Variants in WASF1 observed in about 807,000 individuals in gnomAD.
WASF1 encodes WASP family member 1, also known as actin-binding protein WASF1.
A neutral mutation model predicts 50.5 loss-of-function variants in WASF1; 7 were observed. The observed-to-expected ratio is 0.14, with a 90% CI of 0.08 to 0.26. WASF1 has a LOEUF of 0.26. Ranked by LOEUF, WASF1 falls within the 10% of genes least tolerant of loss-of-function variation. The probability of loss-of-function intolerance (pLI) is 1.00; values close to 1 mark genes in which losing one functional copy is unlikely to be tolerated. For synonymous variants in WASF1, 205 were observed against 244.0 expected, an observed-to-expected ratio of 0.84 and a Z score of 1.49; for missense variants, 470 against 694.7, an observed-to-expected ratio of 0.68 and a Z score of 3.64.
At chr6:110,128,568 T>C (rs909886498) in intron 3 of WASF1, among the ~76,000 whole-genome samples, 2 of 152,276 alleles carry the variant, frequency 1.3e-5, no homozygotes, top group Non-Finnish European at 2.9e-5. Flanking sequence ...GCTCTCACTT[T>C]GCATGCTTCG....
intron 3 of WASF1, among the ~76,000 whole-genome samples, chr6:110,139,880 T>C (rs1342746344): frequency 6.6e-6 from 1 of 152,246 alleles, no homozygotes; most frequent in African/African-American, 2.4e-5. Flanking sequence ...TAGAAAATTA[T>C]AATAATATAC....
intron 3 of WASF1, among the ~76,000 whole-genome samples, chr6:110,153,278 T>C (rs1464745626): frequency 1.3e-5 from 2 of 152,160 alleles, no homozygotes; most frequent in African/African-American, 4.8e-5. Flanking sequence ...AACAGAGTTC[T>C]AGGTGAAGAT....
In WASF1 at chr6:110,127,472, G is replaced by A. The variant is rs1021535617; in HGVS notation, c.130C>T (p.Leu44=). The A allele has an allele frequency of 2.2e-5, 35 of 1,593,130 alleles. 1 individual carries two copies. The highest frequency in any genetic ancestry group is 3.6e-5 in the Admixed American group (2 of 56,328). The change falls in exon 4 of 11, where the codon CTA becomes TTA. Residue 44 remains leucine, a synonymous_variant. Transcript: ENST00000392589. Reference sequence around the variant, plus strand: ...TTTTTAATTGATATATACTTACTTAGGCTACTTAGTTGTCTAATTATATTT... The same window carrying A: ...TTTTTAATTGATATATACTTACTTAAGCTACTTAGTTGTCTAATTATATTT... ...LANIIRQLSS[L]SKYAEDIFGE... is the part of the protein sequence containing the mutation.
rs530165556 is a variant in WASF1, at chr6:110,108,751, A to G, written c.269-70T>C. On this transcript the variant is annotated intron_variant, in intron 5 of 10. Coordinates refer to ENST00000392589, the MANE Select transcript of WASF1 (RefSeq NM_003931.3). The stretch of plus-strand genomic sequence containing the variant: ...TGATTTAACATAAGGGCAAATTCAC[A>G]TACTTTATTTGTCTAAAAGTCAGCA... 210 of 1,449,526 alleles carry G rather than the reference A, an allele frequency of 1.4e-4. 1 individual carries two copies. The South Asian group carries it at 2.6e-3, about 18-fold the overall frequency. The allele number at this position is 1,449,526 out of a possible 1,614,324, so 89.8% of individuals were successfully genotyped here.
intron 3 of WASF1, among the ~76,000 whole-genome samples, chr6:110,148,443 A>G (rs1775677425): frequency 6.6e-6 from 1 of 152,160 alleles, no homozygotes; most frequent in African/African-American, 2.4e-5. Context: ...AGTAATATTT[A>G]AATTAAGAAC....
chr6:110,119,549 T>C (rs1202657231), intron 4 of WASF1, among the ~76,000 whole-genome samples: 1 of 152,138 alleles, frequency 6.6e-6, no homozygotes, highest in South Asian at 2.1e-4. Flanking sequence ...CAATATTTAA[T>C]AGCCTACCAA....
rs374884028 is a variant in WASF1, at chr6:110,105,399, A to G, written c.713+8T>C. 1 of 1,586,580 alleles carries G rather than the reference A, an allele frequency of 6.3e-7. No individual in the cohort carries two copies. On this transcript the variant is annotated splice_region_variant and intron_variant, in intron 8 of 10. Transcript: ENST00000392589. Reference sequence around the variant, plus strand: ...ATCATTTAAAAAAAAAAACAAAAGTAAAGAAACCTTGTTTCAAAATGAGAG... The same window carrying G: ...ATCATTTAAAAAAAAAAACAAAAGTGAAGAAACCTTGTTTCAAAATGAGAG...
rs549249249 is a variant in WASF1, at chr6:110,112,918, A to G, written c.268+408T>C. ...TCAAAAAAAAAAAAAAACAAAAAAA[A>G]AACCAGTTACATTCTTGTAGAATCA... On this transcript the variant is annotated intron_variant, in intron 5 of 10. Coordinates refer to ENST00000392589, the MANE Select transcript of WASF1 (RefSeq NM_003931.3). Among the ~76,000 whole-genome samples the G allele has an allele frequency of 2.6e-3, 395 of 151,548 alleles. 1 individual carries two copies. The highest frequency in any genetic ancestry group is 9.3e-3 in the African/African-American group (384 of 41,328).
At chr6:110,124,241 T>TCTC (rs1562170326) in intron 4 of WASF1, among the ~76,000 whole-genome samples, 1 of 32,762 alleles carries the variant, frequency 3.1e-5, no homozygotes, top group Non-Finnish European at 5.3e-5. Flanking sequence ...CTCTCCTCTC[T>TCTC]CTCTCTCTCT....
rs1028536890 is a variant in WASF1 at position 110,100,319 on chromosome 6, GA to G, written c.*202del. The stretch of plus-strand genomic sequence containing the variant: ...TTGACCAAATTAGTCTTTTCAGGGG[GA>G]AAAAAAAGATAAGCCACTGTAAAAC... On this transcript the variant is annotated 3_prime_UTR_variant, in exon 11 of 11. Coordinates refer to ENST00000392589, the MANE Select transcript of WASF1 (RefSeq NM_003931.3). The G allele has an allele frequency of 7.8e-5, 39 of 497,464 alleles. No individual in the cohort carries two copies. Among genetic ancestry groups the G allele is most frequent in the East Asian group, 1.1e-4 (3 of 27,902 alleles). 30.8% of individuals were successfully genotyped at this position (497,464 alleles called of 1,614,324 possible).
intron 3 of WASF1, among the ~76,000 whole-genome samples, chr6:110,128,753 G>A (rs993323134): frequency 6.6e-6 from 1 of 152,144 alleles, no homozygotes; most frequent in African/African-American, 2.4e-5. Context: ...AACGGTCAGT[G>A]GCCTGTAAGG....
At chr6:110,165,061 G>A (rs1386870314) in intron 2 of WASF1, among the ~76,000 whole-genome samples, 2 of 151,558 alleles carry the variant, frequency 1.3e-5, no homozygotes, top group South Asian at 4.1e-4. Flanking sequence ...AATTGGCAGA[G>A]TACAGATTTT....
intron 3 of WASF1, among the ~76,000 whole-genome samples, chr6:110,131,158 T>C (rs926721045): frequency 8.5e-5 from 13 of 152,228 alleles, no homozygotes; most frequent in African/African-American, 4.8e-5. Flanking sequence ...CAGAAGTTTT[T>C]ACGCTCCATG....
chr6:110,117,108 C>T (rs916745095), intron 4 of WASF1, among the ~76,000 whole-genome samples: 7 of 151,922 alleles, frequency 4.6e-5, no homozygotes, highest in African/African-American at 1.7e-4. Flanking sequence ...CTCTTCTCGT[C>T]CAAAGGATTG....
chr6:110,129,757 CTAAT>C (rs551325887), intron 3 of WASF1, among the ~76,000 whole-genome samples: 3 of 152,254 alleles, frequency 2.0e-5, no homozygotes, highest in African/African-American at 7.2e-5. Flanking sequence ...AACACTAATT[CTAAT>C]TGATTCCAAT....
In WASF1 at chr6:110,113,380, G is replaced by A. The variant is rs533325081; in HGVS notation, c.214C>T (p.Arg72Cys). The A allele has an allele frequency of 4.4e-6, 7 of 1,605,972 alleles. No homozygotes were observed. Among genetic ancestry groups the A allele is most frequent in the South Asian group, 2.2e-5 (2 of 89,584 alleles). The part of the protein sequence containing the change: ...FSFRVNSLQE[R>C]VDRLSVSVTQ... Reference sequence around the variant, plus strand: ...ACACTAACAGATAAACGGTCCACACGTTCTTGCAATGAGTTGACTCTGAAG... The same window carrying A: ...ACACTAACAGATAAACGGTCCACACATTCTTGCAATGAGTTGACTCTGAAG... Residue 72 changes from arginine (R) to cysteine (C), a missense_variant, in exon 5 of 11, where the codon CGT becomes TGT. Arg to Cys is a radical substitution (Grantham distance 180, BLOSUM62 -3). Around this residue, in one of 3 missense-constraint regions of WASF1, gnomAD observed 140 missense variants for 260.5 expected, o/e 0.54. Coordinates refer to ENST00000392589, the MANE Select transcript of WASF1 (RefSeq NM_003931.3).
intron 9 of WASF1, 91 bp from the exon 10 acceptor site, chr6:110,102,307 A>T: frequency 7.9e-7 from 1 of 1,267,432 alleles, no homozygotes; most frequent in Non-Finnish European, 1.0e-6. Flanking sequence ...ACTATCAGTA[A>T]TTATATCAAA....
intron 3 of WASF1, among the ~76,000 whole-genome samples, chr6:110,147,238 C>CCA (rs1775610322): frequency 6.6e-6 from 1 of 150,652 alleles, no homozygotes; most frequent in South Asian, 2.1e-4. Context: ...CCCAGCTACT[C>CCA]GGGAGGCTGA....
intron 4 of WASF1, among the ~76,000 whole-genome samples, chr6:110,117,438 A>T (rs547238744): frequency 3.9e-5 from 6 of 152,338 alleles, no homozygotes; most frequent in African/African-American, 1.2e-4. Flanking sequence ...TTAATGAAAT[A>T]AAACGAGAAG....
Sources: allele counts gnomAD v4.1 joint callset (sites outside exome capture counted in the v4.1 genomes callset), GRCh38; gene constraint gnomAD v4.1.1; regional missense constraint gnomAD v4.1.1; transcripts MANE v1.5; gene names NCBI Gene and HGNC (gene_info 2026-07-23, HGNC 2026-07-21).